SLC25A5: variants seen among roughly 807,000 people sequenced by gnomAD.
SLC25A5 encodes the protein solute carrier family 25 member 5.
Under a neutral mutation model 16.5 loss-of-function variants are expected in SLC25A5, and 4 were observed. That is an observed-to-expected ratio of 0.24 (90% CI 0.12 to 0.56). SLC25A5 has a LOEUF of 0.56. SLC25A5 is among the 20% of genes least tolerant of loss of function. The pLI, the probability that SLC25A5 is intolerant of heterozygous loss-of-function variation, is 0.93. For synonymous variants in SLC25A5, 60 were observed against 95.2 expected, an observed-to-expected ratio of 0.63 and a Z score of 2.15; for missense variants, 88 against 248.0, an observed-to-expected ratio of 0.35 and a Z score of 4.33.
chrX:119,469,586 G>T, intron 1 of SLC25A5, 75 bp from the exon 2 acceptor site: 1 of 1,089,754 alleles, frequency 9.2e-7, no homozygotes, highest in Non-Finnish European at 1.2e-6. Context: ...GGCATTGATC[G>T]AGATGGCATA....
At chrX:119,469,447 A>G (rs1315143142) in intron 1 of SLC25A5, 7 of 405,029 alleles carry the variant, frequency 1.7e-5, no homozygotes, top group Non-Finnish European at 1.7e-5. Context: ...CTCTCCACTC[A>G]GAGGGGTGGA....
At position 119,468,461 on chromosome X, in the gene SLC25A5, C is replaced by G. The variant is rs749703747; in HGVS notation, c.-55C>G. 26 of 1,078,524 alleles carry G rather than the reference C, an allele frequency of 2.4e-5. 1 individual carries two copies. The East Asian group carries it at 7.7e-4, about 32-fold the overall frequency. The allele number at this position is 1,078,524 out of a possible 1,213,427, so 88.9% of individuals were successfully genotyped here. A position where few individuals can be genotyped will look rare whatever the true frequency, so the allele number is the denominator to read the frequency against. The stretch of plus-strand genomic sequence containing the variant: ...TCGCTCCGCCCCGCAGCGCCGGAGT[C>G]AAAGCCGGTTCCCGGCCCAGTCCCG... On this transcript the variant is annotated 5_prime_UTR_variant, in exon 1 of 4. Transcript: ENST00000317881.
Position 119,468,500 on chromosome X carries a change from T to G in SLC25A5, c.-16T>G, listed in dbSNP as rs750889118. ...GGCCCAGTCCCGTCCTGCAGCAGTC[T>G]GCCTCCTCTTTCAACATGACAGATG... On this transcript the variant is annotated 5_prime_UTR_variant, in exon 1 of 4. Coordinates refer to ENST00000317881, the MANE Select transcript of SLC25A5 (RefSeq NM_001152.5). 16 of 1,190,630 alleles carry G rather than the reference T, an allele frequency of 1.3e-5. No homozygotes were observed. The African/African-American group carries it at 1.7e-4, about 13-fold the overall frequency.
In SLC25A5 at chrX:119,468,528, G is replaced by A. The variant is rs1250375775; in HGVS notation, c.13G>A (p.Ala5Thr). The A allele has an allele frequency of 8.3e-7, 1 of 1,208,869 alleles. No homozygotes were observed. Among genetic ancestry groups the A allele is most frequent in the African/African-American group, 1.7e-5 (1 of 57,871 alleles). Residue 5 changes from alanine (A) to threonine (T), a missense_variant, in exon 1 of 4, where the codon GCT becomes ACT. By Grantham distance (58) the Ala-to-Thr change is moderately conservative. Coordinates refer to ENST00000317881, the MANE Select transcript of SLC25A5 (RefSeq NM_001152.5). Reference sequence around the variant, plus strand: ...CTCCTCTTTCAACATGACAGATGCCGCTGTGTCCTTCGCCAAGGACTTCCT... The same window carrying A: ...CTCCTCTTTCAACATGACAGATGCCACTGTGTCCTTCGCCAAGGACTTCCT... MTDA[A>T]VSFAKDFLAG...
chrX:119,470,879 T>G, intron 3 of SLC25A5, 22 bp from the exon 4 acceptor site: 2 of 1,199,968 alleles, frequency 1.7e-6, no homozygotes, highest in Non-Finnish European at 2.2e-6. Flanking sequence ...AGTCACTAAC[T>G]CCATGTCTTT....
At position 119,469,977 on chromosome X, in the gene SLC25A5, C is replaced by T; in HGVS notation, c.428C>T (p.Ala143Val). 1 of 1,212,026 alleles carries T rather than the reference C, an allele frequency of 8.3e-7. No homozygotes were observed. Among genetic ancestry groups the T allele is most frequent in the Non-Finnish European group, 1.1e-6 (1 of 895,455 alleles). Reference sequence around the variant, plus strand: ...GATTTTGCCCGTACCCGTCTAGCAGCTGATGTGGGTAAAGCTGGAGCTGAA... The same window carrying T: ...GATTTTGCCCGTACCCGTCTAGCAGTTGATGTGGGTAAAGCTGGAGCTGAA... Reference protein sequence around the residue: ...PLDFARTRLAADVGKAGAERE... With the variant: ...PLDFARTRLAVDVGKAGAERE... The change falls in exon 2 of 4, where the codon GCT becomes GTT. Residue 143 changes from alanine (A) to valine (V), a missense_variant. Ala to Val is a moderately conservative substitution (Grantham distance 64). Coordinates refer to ENST00000317881, the MANE Select transcript of SLC25A5 (RefSeq NM_001152.5).
Position 119,471,283 on chromosome X carries a change from ATAAC to A in SLC25A5, c.*226_*229del, listed in dbSNP as rs757507296. On this transcript the variant is annotated 3_prime_UTR_variant, in exon 4 of 4. Coordinates refer to ENST00000317881, the MANE Select transcript of SLC25A5 (RefSeq NM_001152.5). ...TTTTTATTTCAGTCACTCCTGATAAATAACAAATTTGGAGAAATAAAAATATCTA... is the reference window on the plus strand; with the variant it reads ...TTTTTATTTCAGTCACTCCTGATAAAAAATTTGGAGAAATAAAAATATCTA... The A allele has an allele frequency of 3.5e-6, 1 of 281,795 alleles. No individual in the cohort carries two copies. Among genetic ancestry groups the A allele is most frequent in the Non-Finnish European group, 6.2e-6 (1 of 160,523 alleles). 23.2% of individuals were successfully genotyped at this position (281,795 alleles called of 1,213,427 possible).
rs753949344 is a variant in SLC25A5, at chrX:119,471,249, C to T, written c.*191C>T. ...TTTCCATGATGATGATGATGGGACT[C>T]AATTGTATTTTTTATTTCAGTCACT... On this transcript the variant is annotated 3_prime_UTR_variant, in exon 4 of 4. Coordinates refer to ENST00000317881, the MANE Select transcript of SLC25A5 (RefSeq NM_001152.5). 11 of 298,765 alleles carry T rather than the reference C, an allele frequency of 3.7e-5. No homozygotes were observed. The highest frequency in any genetic ancestry group is 9.2e-4 in the Middle Eastern group (1 of 1,087). The allele number at this position is 298,765 out of a possible 1,213,427, so 24.6% of individuals were successfully genotyped here.
chrX:119,468,586 C>T lies in SLC25A5; in HGVS notation c.71C>T (p.Thr24Met). 2 of 1,209,722 alleles carry T rather than the reference C, an allele frequency of 1.7e-6. No individual in the cohort carries two copies. The highest frequency in any genetic ancestry group is 2.2e-6 in the Non-Finnish European group (2 of 894,968). Residue 24 changes from threonine to methionine, a missense_variant, in exon 1 of 4, where the codon ACG (threonine) becomes ATG (methionine). Thr to Met is a moderately conservative substitution (Grantham distance 81). Transcript: ENST00000317881. The part of the protein sequence containing the change: ...AGGVAAAISK[T>M]AVAPIERVKL... ...GGAGTGGCCGCAGCCATCTCCAAGA[C>T]GGCGGTAGCGCCCATCGAGCGGGTC...
At position 119,469,817 on chromosome X, in the gene SLC25A5, G is replaced by A; in HGVS notation, c.268G>A (p.Ala90Thr). ...RYFPTQALNF[A>T]FKDKYKQIFL... is the part of the protein sequence containing the mutation. ...CTTCCCCACCCAGGCTCTTAACTTC[G>A]CCTTCAAAGATAAATACAAGCAGAT... Residue 90 changes from alanine (A) to threonine (T), a missense_variant, in exon 2 of 4, where the codon GCC (alanine) becomes ACC (threonine). Ala to Thr is a moderately conservative substitution (Grantham distance 58). Transcript: ENST00000317881. 8.2e-7 allele frequency: 1 copy of A among 1,212,882 alleles called. No individual in the cohort carries two copies.
chrX:119,468,848 G>A (rs1398271588), intron 1 of SLC25A5: 2 of 403,599 alleles, frequency 5.0e-6, no homozygotes, highest in Non-Finnish European at 8.6e-6. Flanking sequence ...GGGGCAGAGG[G>A]CAGGACCAGG....
Position 119,468,485 on chromosome X carries a change from C to G in SLC25A5, c.-31C>G, listed in dbSNP as rs765328027. 2 of 1,155,040 alleles carry G rather than the reference C, an allele frequency of 1.7e-6. No individual in the cohort carries two copies. The highest frequency in any genetic ancestry group is 1.8e-5 in the South Asian group (1 of 54,322). ...TCAAAGCCGGTTCCCGGCCCAGTCCCGTCCTGCAGCAGTCTGCCTCCTCTT... is the reference window on the plus strand; with the variant it reads ...TCAAAGCCGGTTCCCGGCCCAGTCCGGTCCTGCAGCAGTCTGCCTCCTCTT... On this transcript the variant is annotated 5_prime_UTR_variant, in exon 1 of 4. Transcript: ENST00000317881.
intron 2 of SLC25A5, 39 bp from the exon 3 acceptor site, chrX:119,470,334 C>G (rs1356835986): frequency 1.6e-5 from 18 of 1,120,830 alleles, no homozygotes; most frequent in Non-Finnish European, 2.1e-5. Context: ...GTCAGTAAAA[C>G]TCTGCTTTTT....
intron 2 of SLC25A5, 64 bp downstream of exon 2, chrX:119,470,211 A>G (rs749929806): frequency 4.4e-6 from 5 of 1,141,355 alleles, no homozygotes; most frequent in East Asian, 3.0e-5. Flanking sequence ...CATTGTACCA[A>G]CCTAACAGTC....
Position 119,471,322 on chromosome X carries a change from TTGTC to T in SLC25A5, c.*267_*270del. ...GAAATAAAAATATCTAAAATAAATTTTGTCTGCAGTATATTTTCATATAAAAATG... is the reference window on the plus strand; with the variant it reads ...GAAATAAAAATATCTAAAATAAATTTTGCAGTATATTTTCATATAAAAATG... On this transcript the variant is annotated 3_prime_UTR_variant, in exon 4 of 4. Transcript: ENST00000317881. 1 of 143,182 alleles carries T rather than the reference TTGTC, an allele frequency of 7.0e-6. No homozygotes were observed. Among genetic ancestry groups the T allele is most frequent in the Non-Finnish European group, 1.1e-5 (1 of 89,313 alleles). The allele number at this position is 143,182 out of a possible 1,213,427, so 11.8% of individuals were successfully genotyped here.
Position 119,470,122 on chromosome X carries a change from C to G in SLC25A5, c.573C>G (p.Tyr191Ter). 8.3e-7 allele frequency: 1 copy of G among 1,203,750 alleles called. No individual in the cohort carries two copies. Among genetic ancestry groups the G allele is most frequent in the Non-Finnish European group, 1.1e-6 (1 of 891,528 alleles). Residue 191 changes from tyrosine (Y) to a stop codon, truncating the protein, a stop_gained, in exon 2 of 4, where the codon TAC becomes TAG. Transcript: ENST00000317881. LOFTEE classifies it high-confidence loss of function. ...VQGIIIYRAA[Y>*]FGIYDTAKGM... ...GTATTATCATCTACCGAGCCGCCTA[C>G]TTCGGTATCTATGACACTGCAAAGG...
Position 119,470,418 on chromosome X carries a change from T to C in SLC25A5, c.644T>C (p.Met215Thr). 8.2e-7 allele frequency: 1 copy of C among 1,212,876 alleles called. No homozygotes were observed. The highest frequency in any genetic ancestry group is 1.1e-6 in the Non-Finnish European group (1 of 895,662). ...AACACTCACATCGTCATCAGCTGGATGATCGCACAGACTGTCACTGCTGTT... is the reference window on the plus strand; with the variant it reads ...AACACTCACATCGTCATCAGCTGGACGATCGCACAGACTGTCACTGCTGTT... ...PKNTHIVISW[M>T]IAQTVTAVAG... The change falls in exon 3 of 4, where the codon ATG becomes ACG. Residue 215 changes from methionine (M) to threonine (T), a missense_variant. By Grantham distance (81) the Met-to-Thr change is moderately conservative. Coordinates refer to ENST00000317881, the MANE Select transcript of SLC25A5 (RefSeq NM_001152.5).
intron 1 of SLC25A5, chrX:119,469,237 G>C (rs1054301762): frequency 8.5e-6 from 1 of 117,575 alleles, no homozygotes; most frequent in African/African-American, 3.2e-5. Flanking sequence ...AGGGCTGGCG[G>C]CGGCGGCGCT....
Position 119,469,927 on chromosome X carries a change from A to T in SLC25A5, c.378A>T (p.Thr126=), listed in dbSNP as rs2052818607. ...CATCGGGTGGTGCCGCAGGGGCCAC[A>T]TCCCTGTGTTTTGTGTACCCTCTTG... ...NLASGGAAGA[T]SLCFVYPLDF... Residue 126 remains threonine, a synonymous_variant, in exon 2 of 4, where the codon ACA becomes ACT. Transcript: ENST00000317881. 8.2e-7 allele frequency: 1 copy of T among 1,212,597 alleles called. No homozygotes were observed. Among genetic ancestry groups the T allele is most frequent in the Non-Finnish European group, 1.1e-6 (1 of 895,541 alleles).
Sources: allele counts gnomAD v4.1 joint callset, GRCh38; gene constraint gnomAD v4.1.1; transcripts MANE v1.5; gene names NCBI Gene and HGNC (gene_info 2026-07-23, HGNC 2026-07-21).